TRPM2: variants seen among roughly 807,000 people sequenced by gnomAD.
The protein encoded by TRPM2 is transient receptor potential cation channel subfamily M member 2, also known as estrogen-responsive element-associated gene 1 protein.
In TRPM2, 161 loss-of-function variants were observed where a neutral mutation model predicts 174.0. That is an observed-to-expected ratio of 0.93 (90% CI 0.81 to 1.05). TRPM2 has a LOEUF of 1.05. TRPM2 is among the 50% of genes least tolerant of loss of function. The pLI is 0.00. For synonymous variants in TRPM2, 954 were observed against 861.3 expected (o/e 1.11, Z -1.88); for missense variants, 2,057 against 2,038.0 (o/e 1.01, Z -0.18).
In TRPM2 at chr21:44,414,014, T is replaced by C; in HGVS notation, c.3086T>C (p.Leu1029Pro). The change falls in exon 20 of 32, where the codon CTC (leucine) becomes CCC (proline). Residue 1029 changes from leucine (L) to proline (P), a missense_variant. Physicochemically the swap from Leu to Pro is moderately conservative, Grantham distance 98. Transcript: ENST00000397928. ...AFPEWLTVLL[L>P]CLYLLFTNIL... ...CCTGAGTGGCTGACGGTCCTCCTAC[T>C]CTGCCTCTACCTGCTCTTCACCAAC... The C allele has an allele frequency of 6.2e-7, 1 of 1,613,712 alleles. No homozygotes were observed.
intron 22 of TRPM2, among the ~76,000 whole-genome samples, chr21:44,419,563 G>GGTA: frequency 9.3e-5 from 1 of 10,758 alleles, no homozygotes; most frequent in Non-Finnish European, 2.0e-4. Flanking sequence ...CGATGGTGAT[G>GGTA]GTGGTGGTGG....
At chr21:44,385,377 T>C (rs1351208532) in intron 9 of TRPM2, among the ~76,000 whole-genome samples, 1 of 152,230 alleles carries the variant, frequency 6.6e-6, no homozygotes, top group Non-Finnish European at 1.5e-5. Flanking sequence ...TAGCTATACA[T>C]GCTTACATTA....
intron 8 of TRPM2, among the ~76,000 whole-genome samples, chr21:44,379,570 C>T (rs983964076): frequency 6.6e-5 from 10 of 152,186 alleles, no homozygotes; most frequent in African/African-American, 2.4e-4. Context: ...GGCTGTGGGT[C>T]GCAGGGTCCA....
rs1333880188 is a variant in TRPM2, at chr21:44,423,727, G to A, written c.3544G>A (p.Glu1182Lys). Residue 1182 changes from glutamate to lysine, a missense_variant, in exon 23 of 32, where the codon GAG becomes AAG. Transcript: ENST00000397928. ...SMEQRLASLE[E>K]QVAQTAQALH... ...GGAGCAGAGGTTGGCCTCCCTGGAG[G>A]AGCAGGTGGGTCCGAGGTCGGGGCC... 2 of 1,606,700 alleles carry A rather than the reference G, an allele frequency of 1.2e-6. No homozygotes were observed. The highest frequency in any genetic ancestry group is 1.7e-6 in the Non-Finnish European group (2 of 1,178,028).
chr21:44,414,430 C>T (rs1219488060), intron 20 of TRPM2, among the ~76,000 whole-genome samples: 2 of 152,244 alleles, frequency 1.3e-5, no homozygotes, highest in Non-Finnish European at 2.9e-5. Flanking sequence ...GCAGGCGCAG[C>T]ATTATTCATG....
chr21:44,403,830 T>G (rs1251630730), intron 16 of TRPM2, among the ~76,000 whole-genome samples: 1 of 150,284 alleles, frequency 6.7e-6, no homozygotes, highest in Non-Finnish European at 1.5e-5. Flanking sequence ...TGCACACACA[T>G]GCATACACAC....
Position 44,441,775 on chromosome 21 carries a change from C to T in TRPM2, c.4470C>T (p.Thr1490=), listed in dbSNP as rs2051515800. The stretch of plus-strand genomic sequence containing the variant: ...TCCCACTCTATGCGAACCACAAGAC[C>T]CTCCTCCAGAAGGCAGCCGCTGAGT... The part of the protein sequence containing the change: ...RRIPLYANHK[T]LLQKAAAEFG... Residue 1490 remains threonine, a synonymous_variant, in exon 32 of 32, where the codon ACC becomes ACT. Coordinates refer to ENST00000397928, the MANE Select transcript of TRPM2 (RefSeq NM_003307.4). 1.2e-6 allele frequency: 2 copies of T among 1,611,192 alleles called. No individual in the cohort carries two copies. Among genetic ancestry groups the T allele is most frequent in the African/African-American group, 2.7e-5 (2 of 74,902 alleles).
intron 2 of TRPM2, 58 bp from the exon 3 acceptor site, chr21:44,364,056 T>A (rs1362524473): frequency 6.4e-7 from 1 of 1,560,002 alleles, no homozygotes. Context: ...TCTGATGCCT[T>A]CACAGGGAGC....
At chr21:44,407,224 C>T (rs1265992934) in intron 19 of TRPM2, among the ~76,000 whole-genome samples, 2 of 131,824 alleles carry the variant, frequency 1.5e-5, no homozygotes, top group African/African-American at 6.2e-5. Context: ...ACCTCCTGCG[C>T]TCAAGTCCTC....
intron 2 of TRPM2, among the ~76,000 whole-genome samples, chr21:44,357,635 C>T (rs1262081118): frequency 6.6e-6 from 1 of 152,212 alleles, no homozygotes; most frequent in East Asian, 1.9e-4. Context: ...CCTGCGCTGG[C>T]CACGTGGGCC....
At chr21:44,389,028 T>C (rs1228650074) in intron 9 of TRPM2, among the ~76,000 whole-genome samples, 1 of 152,204 alleles carries the variant, frequency 6.6e-6, no homozygotes, top group African/African-American at 2.4e-5. Context: ...ACAGTCTCCA[T>C]ACAGGACATC....
At chr21:44,373,645 C>A (rs2048610512) in intron 5 of TRPM2, among the ~76,000 whole-genome samples, 1 of 150,034 alleles carries the variant, frequency 6.7e-6, no homozygotes, top group South Asian at 2.1e-4. Flanking sequence ...CCCGGATAGG[C>A]TGAGAATTTC....
Position 44,418,561 on chromosome 21 carries a change from G to A in TRPM2, c.3461+6G>A. 6.2e-7 allele frequency: 1 copy of A among 1,613,864 alleles called. No individual in the cohort carries two copies. The highest frequency in any genetic ancestry group is 8.5e-7 in the Non-Finnish European group (1 of 1,179,892). ...ATCGAGGACATCAGCAATAAGTATG[G>A]GGGCTCCGGTGGGCCTGGGGGCGGG... is the stretch of plus-strand genomic sequence containing the variant. On this transcript the variant is annotated splice_donor_region_variant and intron_variant, in intron 22 of 31. Transcript: ENST00000397928.
chr21:44,398,174 C>A (rs543545088), intron 13 of TRPM2, among the ~76,000 whole-genome samples: 1 of 151,056 alleles, frequency 6.6e-6, no homozygotes, highest in Non-Finnish European at 1.5e-5. Context: ...AGTTTCATCA[C>A]CCAAATCAGT....
chr21:44,417,007 T>A (rs1388595312), intron 20 of TRPM2, among the ~76,000 whole-genome samples: 2 of 126,934 alleles, frequency 1.6e-5, no homozygotes, highest in Non-Finnish European at 3.3e-5. Flanking sequence ...TGGGCATGGC[T>A]CTGCTCTCTG....
intron 5 of TRPM2, among the ~76,000 whole-genome samples, chr21:44,373,759 C>T (rs908322143): frequency 2.6e-5 from 4 of 152,152 alleles, no homozygotes; most frequent in Non-Finnish European, 4.4e-5. Context: ...AAAGCCAGGC[C>T]ACAACTTGAA....
At chr21:44,406,066 G>T (rs770935393) in intron 18 of TRPM2, 29 bp downstream of exon 18, 6 of 1,598,800 alleles carry the variant, frequency 3.8e-6, no homozygotes, top group Admixed American at 1.7e-5. Flanking sequence ...CGGCTCCATC[G>T]CGGCCTGCAG....
intron 2 of TRPM2, among the ~76,000 whole-genome samples, chr21:44,361,732 G>A (rs755590664): frequency 1.1e-4 from 17 of 151,726 alleles, no homozygotes; most frequent in Non-Finnish European, 2.4e-4. Flanking sequence ...TTTGGAGACA[G>A]AGTCTCACTC....
chr21:44,402,009 G>C, intron 16 of TRPM2, 112 bp downstream of exon 16: 1 of 1,232,212 alleles, frequency 8.1e-7, no homozygotes. Flanking sequence ...CCAGCTCCCT[G>C]CAAGCTGAGC....
Sources: gnomAD v4.1 joint callset for allele counts (sites outside exome capture counted in the v4.1 genomes callset) on GRCh38, gnomAD v4.1.1 for gene constraint, MANE v1.5 for transcripts, NCBI Gene and HGNC (gene_info 2026-07-23, HGNC 2026-07-21) for gene names.